The following TMX1 variants were observed in gnomAD, a reference collection of about 807,000 sequenced individuals.
TMX1 encodes the protein thioredoxin-related transmembrane protein 1.
TMX1 carries 25 observed loss-of-function variants against 36.6 expected under a neutral mutation model. The ratio of observed to expected loss-of-function variants is 0.68; its 90% CI spans 0.50 to 0.95. TMX1 has a LOEUF of 0.95. TMX1 is among the 40% of genes least tolerant of loss of function. The probability of loss-of-function intolerance (pLI) is 0.00; values close to 1 mark genes in which losing one functional copy is unlikely to be tolerated. For synonymous variants in TMX1, 133 were observed against 118.0 expected, an observed-to-expected ratio of 1.13 and a Z score of -0.82; for missense variants, 347 against 339.6, an observed-to-expected ratio of 1.02 and a Z score of -0.17.
In TMX1 at chr14:51,247,168, G is replaced by C. The variant is rs1489222211; in HGVS notation, c.391G>C (p.Glu131Gln). The change falls in exon 4 of 8, where the codon GAG becomes CAG. Residue 131 changes from glutamate (E) to glutamine (Q), a missense_variant. Physicochemically the swap from Glu to Gln is conservative, Grantham distance 29 (BLOSUM62 2). Coordinates refer to ENST00000457354, the MANE Select transcript of TMX1 (RefSeq NM_030755.5). The part of the protein sequence containing the change: ...KDFINFISDK[E>Q]WKSIEPVSSW... ...CTTCATAAACTTTATAAGTGATAAA[G>C]AGTGGAAGAGTATTGAGCCCGTTTC... is the stretch of plus-strand genomic sequence containing the variant. The C allele has an allele frequency of 6.8e-6, 11 of 1,613,320 alleles. No homozygotes were observed. The highest frequency in any genetic ancestry group is 2.7e-5 in the African/African-American group (2 of 74,872).
At chr14:51,245,622 G>A (rs2065782232) in intron 3 of TMX1, 2 of 715,160 alleles carry the variant, frequency 2.8e-6, no homozygotes, top group African/African-American at 1.8e-5. Flanking sequence ...TGTTCAGCGT[G>A]TTAAGTCATT....
At position 51,249,706 on chromosome 14, in the gene TMX1, T is replaced by C; in HGVS notation, c.605T>C (p.Val202Ala). ...GLLLGLCMIF[V>A]ADCLCPSKRR... is the part of the protein sequence containing the mutation. Reference sequence around the variant, plus strand: ...TTATTTTTACAGTGTATGATATTTGTGGCAGATTGCCTTTGTCCTTCAAAA... The same window carrying C: ...TTATTTTTACAGTGTATGATATTTGCGGCAGATTGCCTTTGTCCTTCAAAA... Residue 202 changes from valine (V) to alanine (A), a missense_variant, in exon 7 of 8, where the codon GTG (valine) becomes GCG (alanine). Transcript: ENST00000457354. 1 of 1,613,724 alleles carries C rather than the reference T, an allele frequency of 6.2e-7. No individual in the cohort carries two copies. The highest frequency in any genetic ancestry group is 8.5e-7 in the Non-Finnish European group (1 of 1,179,758).
chr14:51,243,927 A>T lies in TMX1; in HGVS notation c.224A>T (p.Asp75Val), dbSNP rs1455282651. Residue 75 changes from aspartate (D) to valine (V), a missense_variant, in exon 2 of 8, where the codon GAT becomes GTT. Physicochemically the swap from Asp to Val is radical, Grantham distance 152. Transcript: ENST00000457354. ...EWESFAEWGE[D>V]LEVNIAKVDV... Reference sequence around the variant, plus strand: ...GAAAGTTTTGCTGAATGGGGAGAAGATCTTGAGGTTAATATTGCGAAAGTA... The same window carrying T: ...GAAAGTTTTGCTGAATGGGGAGAAGTTCTTGAGGTTAATATTGCGAAAGTA... 9 of 1,612,612 alleles carry T rather than the reference A, an allele frequency of 5.6e-6. No homozygotes were observed. The highest frequency in any genetic ancestry group is 7.6e-6 in the Non-Finnish European group (9 of 1,179,274).
intron 7 of TMX1, among the ~76,000 whole-genome samples, chr14:51,251,172 A>G (rs528622928): frequency 5.3e-5 from 8 of 152,344 alleles, no homozygotes; most frequent in African/African-American, 1.2e-4. Context: ...CTGACCTACA[A>G]TCATTCAACT....
Position 51,254,955 on chromosome 14 carries a change from C to T in TMX1, c.*436C>T, listed in dbSNP as rs2065832048. On this transcript the variant is annotated 3_prime_UTR_variant, in exon 8 of 8. Coordinates refer to ENST00000457354, the MANE Select transcript of TMX1 (RefSeq NM_030755.5). ...ATTTCCCATAAATGGGAAGTTTGCC[C>T]ATTGTCTCAAGAAATGTGTATTTCA... 1 of 152,564 alleles carries T rather than the reference C, an allele frequency of 6.6e-6. No individual in the cohort carries two copies. The allele number at this position is 152,564 out of a possible 1,614,324, so 9.5% of individuals were successfully genotyped here.
At chr14:51,242,421 T>C (rs1247379083) in intron 1 of TMX1, among the ~76,000 whole-genome samples, 2 of 152,176 alleles carry the variant, frequency 1.3e-5, no homozygotes, top group Non-Finnish European at 2.9e-5. Flanking sequence ...ACTATATAAA[T>C]ACAGCAATCA....
Position 51,243,920 on chromosome 14 carries a change from G to A in TMX1, c.217G>A (p.Gly73Arg). 6.2e-7 allele frequency: 1 copy of A among 1,612,392 alleles called. No homozygotes were observed. ...QPEWESFAEW[G>R]EDLEVNIAKV... Reference sequence around the variant, plus strand: ...GGAATGGGAAAGTTTTGCTGAATGGGGAGAAGATCTTGAGGTTAATATTGC... The same window carrying A: ...GGAATGGGAAAGTTTTGCTGAATGGAGAGAAGATCTTGAGGTTAATATTGC... Residue 73 changes from glycine (G) to arginine (R), a missense_variant, in exon 2 of 8, where the codon GGA (glycine) becomes AGA (arginine). Gly to Arg is a moderately radical substitution (Grantham distance 125). Coordinates refer to ENST00000457354, the MANE Select transcript of TMX1 (RefSeq NM_030755.5).
At chr14:51,240,517 G>C (rs925798217) in intron 1 of TMX1, 73 bp downstream of exon 1, 8 of 1,549,930 alleles carry the variant, frequency 5.2e-6, no homozygotes, top group African/African-American at 1.4e-5. Context: ...TCCTCGTGCG[G>C]GTCGCAGGCT....
rs2065800614 is a variant in TMX1 at position 51,249,328 on chromosome 14, T to TGA, written c.448_449dup (p.Ser150ArgfsTer38). On this transcript the variant is annotated frameshift_variant, in exon 5 of 8. Transcript: ENST00000457354. LOFTEE classifies it high-confidence loss of function. ...TTAATCATCTCTTTTATTTTTAGGA[T>TGA]GAGTAGTATGTCAGCACTCTTTCAG... The TGA allele has an allele frequency of 1.2e-6, 2 of 1,601,142 alleles. No individual in the cohort carries two copies. Among genetic ancestry groups the TGA allele is most frequent in the Non-Finnish European group, 1.7e-6 (2 of 1,175,964 alleles).
At chr14:51,251,193 T>C (rs924003760) in intron 7 of TMX1, among the ~76,000 whole-genome samples, 1 of 152,232 alleles carries the variant, frequency 6.6e-6, no homozygotes, top group Non-Finnish European at 1.5e-5. Flanking sequence ...TAAAATTGAC[T>C]TTACGATGGT....
chr14:51,247,231 G>A lies in TMX1; in HGVS notation c.443+11G>A. ...TCCAGGTTCTGTTCTGTAAGTATGA[G>A]GGCTTTTTCTCTTACCCATTTCATA... On this transcript the variant is annotated intron_variant, in intron 4 of 7. Transcript: ENST00000457354. 6.2e-7 allele frequency: 1 copy of A among 1,603,354 alleles called. No individual in the cohort carries two copies.
rs1170050641 is a variant in TMX1 at position 51,257,012 on chromosome 14, G to C, written c.*2493G>C. The stretch of plus-strand genomic sequence containing the variant: ...CTTGTTGCCCAGGCTGGAGTGCAAT[G>C]GCATGATCTTGGCTCACTGCAACCT... On this transcript the variant is annotated 3_prime_UTR_variant, in exon 8 of 8. Coordinates refer to ENST00000457354, the MANE Select transcript of TMX1 (RefSeq NM_030755.5). 6.7e-6 allele frequency: 1 copy of C among 149,746 alleles called. No homozygotes were observed. The highest frequency in any genetic ancestry group is 2.5e-5 in the African/African-American group (1 of 40,566). 9.3% of individuals were successfully genotyped at this position (149,746 alleles called of 1,614,324 possible).
At chr14:51,250,250 C>T (rs1435720435) in intron 7 of TMX1, among the ~76,000 whole-genome samples, 1 of 151,282 alleles carries the variant, frequency 6.6e-6, no homozygotes, top group Non-Finnish European at 1.5e-5. Flanking sequence ...CAAGCATTTA[C>T]CAATCTTGTA....
intron 3 of TMX1, 79 bp from the exon 4 acceptor site, chr14:51,247,013 A>G: frequency 7.7e-7 from 1 of 1,305,378 alleles, no homozygotes; most frequent in Non-Finnish European, 1.0e-6. Flanking sequence ...ATTGACTGTA[A>G]AGTGAAGTGA....
chr14:51,247,033 AAAAT>A lies in TMX1; in HGVS notation c.315-53_315-50del, dbSNP rs151199000. 4.1e-3 allele frequency: 6,075 copies of A among 1,481,068 alleles called. 215 individuals are homozygous for A. In the African/African-American group the frequency reaches 0.074, roughly 18 times the overall value. 91.7% of individuals were successfully genotyped at this position (1,481,068 alleles called of 1,614,324 possible). On this transcript the variant is annotated intron_variant, in intron 3 of 7. Transcript: ENST00000457354. The stretch of plus-strand genomic sequence containing the variant: ...CTGTAAAGTGAAGTGAAAAAATAGC[AAAAT>A]AAATATTAAATTATTTCTCAGTGCT...
chr14:51,249,195 G>T, intron 4 of TMX1, 131 bp from the exon 5 acceptor site: 1 of 656,036 alleles, frequency 1.5e-6, no homozygotes. Context: ...CATGAAATCA[G>T]TGATGTGTCA....
intron 7 of TMX1, 170 bp from the exon 8 acceptor site, chr14:51,254,171 A>G: frequency 2.0e-6 from 1 of 494,104 alleles, no homozygotes; most frequent in Non-Finnish European, 3.4e-6. Context: ...TATTTTTATA[A>G]TATTCATGGT....
At chr14:51,250,994 C>A (rs112228315) in intron 7 of TMX1, among the ~76,000 whole-genome samples, 1 of 152,018 alleles carries the variant, frequency 6.6e-6, no homozygotes, top group East Asian at 1.9e-4. Flanking sequence ...AGGAAAAAAA[C>A]GTAAGCACAG....
intron 4 of TMX1, among the ~76,000 whole-genome samples, chr14:51,247,743 G>A (rs950321249): frequency 1.3e-5 from 2 of 152,150 alleles, no homozygotes; most frequent in African/African-American, 4.8e-5. Flanking sequence ...ATAGAAGTAA[G>A]TTGTACACCT....
Sources: gnomAD v4.1 joint callset for allele counts (sites outside exome capture counted in the v4.1 genomes callset) on GRCh38, gnomAD v4.1.1 for gene constraint, MANE v1.5 for transcripts, NCBI Gene and HGNC (gene_info 2026-07-23, HGNC 2026-07-21) for gene names.